Variants in ESCO1 observed in about 807,000 individuals in gnomAD.
ESCO1 encodes N-acetyltransferase ESCO1.
A neutral mutation model predicts 83.5 loss-of-function variants in ESCO1; 33 were observed. The ratio of observed to expected loss-of-function variants is 0.40; its 90% confidence interval spans 0.30 to 0.53. The LOEUF is 0.53. Among genes scored for constraint, ESCO1 ranks in the 20% least tolerant of loss-of-function variants. The probability of loss-of-function intolerance (pLI) is 0.63; values close to 1 mark genes in which losing one functional copy is unlikely to be tolerated. For missense variants in ESCO1, 855 were observed against 968.0 expected (o/e 0.88, Z 1.55); for synonymous variants, 332 against 324.3 (o/e 1.02, Z -0.25).
intron 1 of ESCO1, among the ~76,000 whole-genome samples, chr18:21,597,996 T>C (rs991635752): frequency 3.3e-5 from 5 of 152,198 alleles, no homozygotes; most frequent in African/African-American, 9.6e-5. Context: ...CAAAGGATTT[T>C]CATTGAATGA....
At chr18:21,579,504 G>A (rs2038463749) in intron 2 of ESCO1, among the ~76,000 whole-genome samples, 1 of 151,580 alleles carries the variant, frequency 6.6e-6, no homozygotes, top group African/African-American at 2.4e-5. Context: ...AGGCACAGTG[G>A]CTCACGCCTG....
chr18:21,564,118 C>G (rs896769012), intron 7 of ESCO1, 85 bp downstream of exon 7: 5 of 879,898 alleles, frequency 5.7e-6, no homozygotes, highest in Admixed American at 5.3e-5. Flanking sequence ...AAATTACCAA[C>G]CTCAGATATC....
chr18:21,569,223 T>C (rs2038304822), intron 4 of ESCO1, among the ~76,000 whole-genome samples: 1 of 152,266 alleles, frequency 6.6e-6, no homozygotes, highest in Non-Finnish European at 1.5e-5. Context: ...GCAACAACCA[T>C]ATTATATTTA....
At chr18:21,594,287 T>C (rs913875954) in intron 1 of ESCO1, among the ~76,000 whole-genome samples, 2 of 152,218 alleles carry the variant, frequency 1.3e-5, no homozygotes, top group Non-Finnish European at 2.9e-5. Context: ...ACCTTCTGAG[T>C]CCTGAAATAT....
At chr18:21,597,286 T>C (rs1458626904) in intron 1 of ESCO1, among the ~76,000 whole-genome samples, 2 of 152,158 alleles carry the variant, frequency 1.3e-5, no homozygotes, top group East Asian at 3.8e-4. Context: ...AGGCCAAACA[T>C]TAAGGAGATT....
At chr18:21,592,503 C>T (rs1422933943) in intron 1 of ESCO1, among the ~76,000 whole-genome samples, 5 of 138,300 alleles carry the variant, frequency 3.6e-5, no homozygotes, top group South Asian at 2.4e-4. Context: ...TAGGGGCGGC[C>T]GGGCAGAGGC....
In ESCO1 at chr18:21,598,021, T is replaced by C. The variant is rs573489128; in HGVS notation, c.-825+2602A>G. On this transcript the variant is annotated intron_variant, in intron 1 of 11. Transcript: ENST00000269214. ...TCATTGAATGATCCACAGAAAAATA[T>C]GAAAGTCAGGGTTACAAAAGGGGTA... is the stretch of plus-strand genomic sequence containing the variant. Among the ~76,000 whole-genome samples the C allele has an allele frequency of 8.5e-5, 13 of 152,246 alleles. 1 individual carries two copies. The highest frequency in any genetic ancestry group is 8.5e-4 in the Admixed American group (13 of 15,278).
At chr18:21,553,304 G>A (rs138370457) in intron 8 of ESCO1, among the ~76,000 whole-genome samples, 2,254 of 152,034 alleles carry the variant, frequency 0.015, 30 homozygotes, top group Non-Finnish European at 0.024. Context: ...AAGAAAAAGT[G>A]TATAATTAAA....
intron 5 of ESCO1, among the ~76,000 whole-genome samples, 183 bp downstream of exon 5, chr18:21,567,793 TAAAC>T (rs1403253707): frequency 2.6e-5 from 4 of 152,184 alleles, no homozygotes; most frequent in Non-Finnish European, 4.4e-5. Flanking sequence ...TTAGGTACTT[TAAAC>T]AAACCAATCA....
At chr18:21,544,907 T>C (rs780663879) in intron 8 of ESCO1, among the ~76,000 whole-genome samples, 1 of 152,222 alleles carries the variant, frequency 6.6e-6, no homozygotes, top group African/African-American at 2.4e-5. Flanking sequence ...CTAGTCAGCG[T>C]TGCAGCCAGA....
In ESCO1 at chr18:21,573,491, C is replaced by G; in HGVS notation, c.1353G>C (p.Gln451His). The change falls in exon 4 of 12, where the codon CAG (glutamine) becomes CAC (histidine). Residue 451 changes from glutamine to histidine, a missense_variant. By Grantham distance (24) the Gln-to-His change is conservative. This residue lies in a region of ESCO1 where 726 missense variants were observed against 699.5 expected (regional missense o/e 1.04). Transcript: ENST00000269214. ...TKLHDRNITC[Q>H]QEKMKEINSE... ...AATTAATTTCTTTCATTTTTTCCTG[C>G]TGGCAAGTTATATTTCTATCATGTA... 7 of 1,611,132 alleles carry G rather than the reference C, an allele frequency of 4.3e-6. No homozygotes were observed. Among genetic ancestry groups the G allele is most frequent in the Non-Finnish European group, 5.9e-6 (7 of 1,179,300 alleles).
intron 2 of ESCO1, among the ~76,000 whole-genome samples, chr18:21,579,204 AG>A (rs1364905142): frequency 1.3e-5 from 2 of 151,528 alleles, no homozygotes; most frequent in Admixed American, 1.3e-4. Context: ...ATGTTGGCCA[AG>A]CTGGTCCCAA....
Position 21,579,782 on chromosome 18 carries a change from ACACG to A in ESCO1, c.-693-4009_-693-4006del, listed in dbSNP as rs1352667390. On this transcript the variant is annotated intron_variant, in intron 2 of 11. Transcript: ENST00000269214. Reference sequence around the variant, plus strand: ...CAGAGCGAGATTCTGACACACACACACACGCGCGCGCGCACACACACACACACAC... The same window carrying A: ...CAGAGCGAGATTCTGACACACACACACGCGCGCGCACACACACACACACAC... 3.8e-4 allele frequency among the ~76,000 whole-genome samples: 18 copies of A among 47,248 alleles called. No homozygotes were observed. In the South Asian group the frequency reaches 0.012, roughly 31 times the overall value. The allele number at this position is 47,248 out of a possible 152,430, so 31.0% of individuals were successfully genotyped here. A position where few individuals can be genotyped will look rare whatever the true frequency, so the allele number is the denominator to read the frequency against.
chr18:21,585,608 G>C (rs888841281), intron 1 of ESCO1, among the ~76,000 whole-genome samples: 1 of 151,978 alleles, frequency 6.6e-6, no homozygotes. Context: ...TGAAGTGTGA[G>C]CCCAAAACTT....
chr18:21,574,614 T>G lies in ESCO1; in HGVS notation c.230A>C (p.Asp77Ala), dbSNP rs776030953. 6.2e-7 allele frequency: 1 copy of G among 1,614,086 alleles called. No homozygotes were observed. The highest frequency in any genetic ancestry group is 8.5e-7 in the Non-Finnish European group (1 of 1,180,010). Residue 77 changes from aspartate to alanine, a missense_variant, in exon 4 of 12, where the codon GAT becomes GCT. Coordinates refer to ENST00000269214, the MANE Select transcript of ESCO1 (RefSeq NM_052911.3). Reference protein sequence around the residue: ...STRSSKAASNDKATKSINKNT... With the variant: ...STRSSKAASNAKATKSINKNT... ...TTTATTAATGGATTTAGTAGCTTTA[T>G]CATTAGATGCTGCCTTTGATGACCT...
intron 10 of ESCO1, among the ~76,000 whole-genome samples, chr18:21,532,988 C>A (rs897384899): frequency 1.3e-5 from 2 of 152,118 alleles, no homozygotes; most frequent in Non-Finnish European, 2.9e-5. Flanking sequence ...CCAATAGGAA[C>A]TGAACATTAG....
At chr18:21,559,228 TCTTGAG>T (rs2038151977) in intron 8 of ESCO1, among the ~76,000 whole-genome samples, 1 of 152,166 alleles carries the variant, frequency 6.6e-6, no homozygotes, top group African/African-American at 2.4e-5. Context: ...CAATTCCTTC[TCTTGAG>T]CTTATTTCAA....
Position 21,577,032 on chromosome 18 carries a change from T to C in ESCO1, c.-693-1255A>G, listed in dbSNP as rs532596853. 2.5e-3 allele frequency among the ~76,000 whole-genome samples: 348 copies of C among 140,370 alleles called. 2 individuals carry two copies. The highest frequency in any genetic ancestry group is 4.3e-3 in the Non-Finnish European group (287 of 66,014). The allele number at this position is 140,370 out of a possible 152,430, so 92.1% of individuals were successfully genotyped here. On this transcript the variant is annotated intron_variant, in intron 2 of 11. Coordinates refer to ENST00000269214, the MANE Select transcript of ESCO1 (RefSeq NM_052911.3). Reference sequence around the variant, plus strand: ...TAGGCGACAGAGCGAGACTCTTGTCTCAAAAAAAAAAAAGAAAATGGGACT... The same window carrying C: ...TAGGCGACAGAGCGAGACTCTTGTCCCAAAAAAAAAAAAGAAAATGGGACT...
At position 21,592,151 on chromosome 18, in the gene ESCO1, T is replaced by C. The variant is rs1466027686; in HGVS notation, c.-824-7711A>G. ...GGCTTTCTATTCCACAAAACCACCA[T>C]TGTCATCATGGCCCGTTCTCAATAA... On this transcript the variant is annotated intron_variant, in intron 1 of 11. Coordinates refer to ENST00000269214, the MANE Select transcript of ESCO1 (RefSeq NM_052911.3). 8.1e-5 allele frequency among the ~76,000 whole-genome samples: 12 copies of C among 149,068 alleles called. 1 individual carries two copies. The East Asian group carries it at 2.3e-3, about 28-fold the overall frequency.
Sources: gnomAD v4.1 joint callset for allele counts (sites outside exome capture counted in the v4.1 genomes callset) on GRCh38, gnomAD v4.1.1 for gene constraint, gnomAD v4.1.1 regional missense constraint, MANE v1.5 for transcripts, NCBI Gene and HGNC (gene_info 2026-07-23, HGNC 2026-07-21) for gene names.